The following SGCZ variants were observed in gnomAD, a reference collection of about 807,000 sequenced individuals.
The protein encoded by SGCZ is zeta-sarcoglycan.
SGCZ carries 40 observed loss-of-function variants against 41.3 expected under a neutral mutation model. That is an observed-to-expected ratio of 0.97 (90% CI 0.75 to 1.26). SGCZ has a LOEUF of 1.26. Among genes scored for constraint, SGCZ ranks in the 50% most tolerant of loss-of-function variants. The probability of loss-of-function intolerance (pLI) is 0.00; values close to 1 mark genes in which losing one functional copy is unlikely to be tolerated. For synonymous variants in SGCZ, 206 were observed against 137.5 expected, an observed-to-expected ratio of 1.50 and a Z score of -3.49; for missense variants, 552 against 369.8, an observed-to-expected ratio of 1.49 and a Z score of -4.04.
rs556133016 is a variant in SGCZ at position 14,849,979 on chromosome 8, T to C, written c.40-295053A>G. On this transcript the variant is annotated intron_variant, in intron 1 of 7. Coordinates refer to ENST00000382080, the MANE Select transcript of SGCZ (RefSeq NM_139167.4). ...ACATAAATTTTGGTTTCTTTTTACA[T>C]AGGCATTGAGAACAGAACATTCTAC... Among the ~76,000 whole-genome samples the C allele has an allele frequency of 2.4e-4, 37 of 152,320 alleles. No homozygotes were observed. The South Asian group carries it at 7.7e-3, about 32-fold the overall frequency.
rs1323372172 is a variant in SGCZ at position 15,189,185 on chromosome 8, T to C, written c.39+48400A>G. On this transcript the variant is annotated intron_variant, in intron 1 of 7. Transcript: ENST00000382080. ...GTTTAGCAGTAATAATTTTATATGA[T>C]GGATGTTCCAGGTCACATTTTAAGA... Among the ~76,000 whole-genome samples the C allele has an allele frequency of 1.3e-5, 2 of 152,192 alleles. 1 individual carries two copies. The highest frequency in any genetic ancestry group is 3.8e-4 in the East Asian group (2 of 5,196).
chr8:14,516,821 T>C (rs1231940742), intron 2 of SGCZ, among the ~76,000 whole-genome samples: 1 of 152,136 alleles, frequency 6.6e-6, no homozygotes, highest in Non-Finnish European at 1.5e-5. Context: ...TTTTGTTCAC[T>C]GTTAACATTT....
At position 15,156,566 on chromosome 8, in the gene SGCZ, A is replaced by G. The variant is rs536674281; in HGVS notation, c.39+81019T>C. ...CACCTTCCCAGCTTGAAATGACAAA[A>G]CCATTCTTCTGAAAACGTCCATTAT... On this transcript the variant is annotated intron_variant, in intron 1 of 7. Transcript: ENST00000382080. Among the ~76,000 whole-genome samples the G allele has an allele frequency of 2.6e-5, 4 of 152,252 alleles. No homozygotes were observed. In the South Asian group the frequency reaches 8.3e-4, roughly 32 times the overall value.
chr8:14,356,742 C>A (rs996075511), intron 2 of SGCZ, among the ~76,000 whole-genome samples: 1 of 151,908 alleles, frequency 6.6e-6, no homozygotes, highest in Non-Finnish European at 1.5e-5. Context: ...TTAATATTGT[C>A]TTTTCAATAT....
At chr8:15,201,857 TAAGA>T (rs1374766537) in intron 1 of SGCZ, among the ~76,000 whole-genome samples, 1 of 152,190 alleles carries the variant, frequency 6.6e-6, no homozygotes, top group African/African-American at 2.4e-5. Flanking sequence ...ATTTTTTCAG[TAAGA>T]AAGAGTGACT....
intron 1 of SGCZ, among the ~76,000 whole-genome samples, chr8:14,897,359 G>A (rs1017849995): frequency 6.6e-6 from 1 of 152,144 alleles, no homozygotes. Flanking sequence ...ATAACATTTA[G>A]AAACAACCTA....
At chr8:14,913,601 T>C (rs866559160) in intron 1 of SGCZ, among the ~76,000 whole-genome samples, 1 of 152,166 alleles carries the variant, frequency 6.6e-6, no homozygotes, top group Admixed American at 6.5e-5. Flanking sequence ...TTAGTGTTTC[T>C]GACTTTTCTT....
Position 15,195,805 on chromosome 8 carries a change from T to C in SGCZ, c.39+41780A>G, listed in dbSNP as rs575726453. On this transcript the variant is annotated intron_variant, in intron 1 of 7. Transcript: ENST00000382080. ...AATTTATAACAAGTCATTTAAACTG[T>C]ATGTTTATAGCAAATGAGACTTAAC... is the stretch of plus-strand genomic sequence containing the variant. Among the ~76,000 whole-genome samples the C allele has an allele frequency of 3.9e-5, 6 of 152,294 alleles. No homozygotes were observed. The East Asian group carries it at 1.2e-3, about 29-fold the overall frequency.
rs1293563600 is a variant in SGCZ at position 14,724,002 on chromosome 8, T to C, written c.40-169076A>G. ...TTCTTAAGCAGAAGGAATAGCCTAC[T>C]GCAATGAATATTTTATTCACACTCT... On this transcript the variant is annotated intron_variant, in intron 1 of 7. Transcript: ENST00000382080. Among the ~76,000 whole-genome samples the C allele has an allele frequency of 2.6e-5, 4 of 152,132 alleles. No individual in the cohort carries two copies. The East Asian group carries it at 7.7e-4, about 29-fold the overall frequency.
chr8:14,542,249 G>T (rs776104359), intron 2 of SGCZ, among the ~76,000 whole-genome samples: 7 of 151,978 alleles, frequency 4.6e-5, no homozygotes, highest in Non-Finnish European at 7.4e-5. Context: ...GTCTTCTAGG[G>T]TTTTTATAGT....
chr8:14,497,917 C>A (rs1326229546), intron 2 of SGCZ, among the ~76,000 whole-genome samples: 4 of 152,148 alleles, frequency 2.6e-5, no homozygotes, highest in African/African-American at 9.7e-5. Context: ...AAAATGTTTA[C>A]AACCATTTAC....
intron 1 of SGCZ, among the ~76,000 whole-genome samples, chr8:15,107,726 A>G (rs1806886809): frequency 6.6e-6 from 1 of 152,170 alleles, no homozygotes; most frequent in Non-Finnish European, 1.5e-5. Context: ...ACGGATTAAG[A>G]CAAGTTCTCC....
At chr8:15,031,127 A>G (rs1311926765) in intron 1 of SGCZ, among the ~76,000 whole-genome samples, 1 of 152,076 alleles carries the variant, frequency 6.6e-6, no homozygotes, top group Non-Finnish European at 1.5e-5. Flanking sequence ...CATAAAACCA[A>G]TCTGCATTGA....
intron 1 of SGCZ, among the ~76,000 whole-genome samples, chr8:14,873,790 C>T (rs1804250372): frequency 1.3e-5 from 2 of 152,052 alleles, no homozygotes; most frequent in African/African-American, 2.4e-5. Context: ...TTTAAAAAAC[C>T]TTGGCCAGAT....
intron 7 of SGCZ, among the ~76,000 whole-genome samples, chr8:14,096,226 AT>A (rs1801841725): frequency 1.3e-5 from 2 of 152,004 alleles, no homozygotes; most frequent in Non-Finnish European, 2.9e-5. Context: ...TCCTTATGAC[AT>A]TTGCTGTGGG....
At chr8:15,047,402 T>A in intron 1 of SGCZ, among the ~76,000 whole-genome samples, 1 of 152,212 alleles carries the variant, frequency 6.6e-6, no homozygotes, top group Non-Finnish European at 1.5e-5. Context: ...TCTCCATAAA[T>A]TTCTTTTCTG....
intron 2 of SGCZ, among the ~76,000 whole-genome samples, chr8:14,418,912 C>T (rs1171423280): frequency 6.6e-6 from 1 of 152,026 alleles, no homozygotes; most frequent in Non-Finnish European, 1.5e-5. Context: ...AATTGGATGT[C>T]CCAAATGTAC....
chr8:14,926,484 G>C (rs1799753348), intron 1 of SGCZ, among the ~76,000 whole-genome samples: 1 of 149,878 alleles, frequency 6.7e-6, no homozygotes. Context: ...AAGCATCTCA[G>C]ATGTACTGTT....
chr8:14,095,792 G>C lies in SGCZ; in HGVS notation c.745-5155C>G, dbSNP rs71456956. 2.6e-5 allele frequency among the ~76,000 whole-genome samples: 4 copies of C among 152,136 alleles called. No homozygotes were observed. The East Asian group carries it at 7.7e-4, about 29-fold the overall frequency. ...CTCTTATTTCCCTGAGCAGTGGCTT[G>C]TAGTTCTCCTTGAAGAGGTGCTTCA... is the stretch of plus-strand genomic sequence containing the variant. On this transcript the variant is annotated intron_variant, in intron 7 of 7. Coordinates refer to ENST00000382080, the MANE Select transcript of SGCZ (RefSeq NM_139167.4).
Sources: allele counts gnomAD v4.1 joint callset (sites outside exome capture counted in the v4.1 genomes callset), GRCh38; gene constraint gnomAD v4.1.1; transcripts MANE v1.5; gene names NCBI Gene and HGNC (gene_info 2026-07-23, HGNC 2026-07-21).